The following KREMEN1 variants were observed in gnomAD, a reference collection of about 807,000 sequenced individuals.
KREMEN1 encodes the protein kremen protein 1.
In KREMEN1, 30 loss-of-function variants were observed where a neutral mutation model predicts 46.5. The observed-to-expected ratio is 0.65, with a 90% CI of 0.48 to 0.88. KREMEN1 has a LOEUF of 0.88. KREMEN1 is among the 40% of genes least tolerant of loss of function. The probability of loss-of-function intolerance (pLI) is 0.00; values close to 1 mark genes in which losing one functional copy is unlikely to be tolerated. For missense variants in KREMEN1, 533 were observed against 596.9 expected (o/e 0.89, Z 1.11); for synonymous variants, 214 against 230.6 (o/e 0.93, Z 0.65).
chr22:29,137,982 C>A lies in KREMEN1; in HGVS notation c.964+308C>A, dbSNP rs189162975. ...GAATAACTAAAAGGAACAGCTGAGA[C>A]TGGGACAGTTGGAAGGTTATCAAAA... On this transcript the variant is annotated intron_variant, in intron 6 of 8. Coordinates refer to ENST00000400335, the MANE Select transcript of KREMEN1 (RefSeq NM_001039570.3). Among the ~76,000 whole-genome samples the A allele has an allele frequency of 5.9e-5, 9 of 152,344 alleles. No homozygotes were observed. The East Asian group carries it at 1.3e-3, about 23-fold the overall frequency.
At chr22:29,074,663 C>T (rs2037537459) in intron 1 of KREMEN1, among the ~76,000 whole-genome samples, 1 of 152,230 alleles carries the variant, frequency 6.6e-6, no homozygotes, top group Non-Finnish European at 1.5e-5. Flanking sequence ...CACCCAAAGT[C>T]ACAGACTGAT....
intron 5 of KREMEN1, among the ~76,000 whole-genome samples, chr22:29,131,556 A>ATGTGTGTG (rs1466730126): frequency 1.4e-5 from 1 of 72,078 alleles, no homozygotes; most frequent in South Asian, 4.0e-4. Context: ...ATATATATAT[A>ATGTGTGTG]TATATGTGTG....
chr22:29,098,946 T>C lies in KREMEN1; in HGVS notation c.345T>C (p.Ala115=). The change falls in exon 3 of 9, where the codon GCT becomes GCC. Residue 115 remains alanine, a synonymous_variant. Coordinates refer to ENST00000400335, the MANE Select transcript of KREMEN1 (RefSeq NM_001039570.3). The part of the protein sequence containing the change: ...GVYWKYCEIP[A]CQMPGNLGCY... ...ACTGGAAGTACTGTGAGATACCTGC[T>C]TGCCAGAGTAAGACTGTAATACCCA... 1 of 1,611,412 alleles carries C rather than the reference T, an allele frequency of 6.2e-7. No individual in the cohort carries two copies.
At chr22:29,112,475 A>G (rs958056325) in intron 3 of KREMEN1, among the ~76,000 whole-genome samples, 2 of 152,196 alleles carry the variant, frequency 1.3e-5, no homozygotes, top group East Asian at 3.8e-4. Flanking sequence ...AAATGTAACA[A>G]TGTTTAGTGG....
intron 5 of KREMEN1, among the ~76,000 whole-genome samples, chr22:29,133,656 TTTTG>T (rs1556014438): frequency 6.6e-6 from 1 of 152,018 alleles, no homozygotes; most frequent in African/African-American, 2.4e-5. Flanking sequence ...GTCTGTTTTT[TTTTG>T]TTTGTTTTTT....
chr22:29,150,877 G>A (rs2038909570), downstream of KREMEN1, among the ~76,000 whole-genome samples: 4 of 152,176 alleles, frequency 2.6e-5, no homozygotes, highest in Admixed American at 2.6e-4. Flanking sequence ...GGGAACTGAG[G>A]GTCAGAGAAG....
intron 1 of KREMEN1, among the ~76,000 whole-genome samples, chr22:29,074,858 T>G (rs1389498992): frequency 6.6e-6 from 1 of 152,076 alleles, no homozygotes; most frequent in African/African-American, 2.4e-5. Context: ...CTTTGCAGAG[T>G]GTTGTGAAGA....
chr22:29,143,574 C>G lies in KREMEN1; in HGVS notation c.*1462C>G, dbSNP rs973892754. 5 of 712,562 alleles carry G rather than the reference C, an allele frequency of 7.0e-6. No homozygotes were observed. In the African/African-American group the frequency reaches 7.7e-5, roughly 11 times the overall value. 44.1% of individuals were successfully genotyped at this position (712,562 alleles called of 1,614,324 possible). A position where few individuals can be genotyped will look rare whatever the true frequency, so the allele number is the denominator to read the frequency against. Reference sequence around the variant, plus strand: ...TGGCTAAGATGGTGAAACCCCGTCTCTACTAAAAATACAAAAAATTAGCTG... The same window carrying G: ...TGGCTAAGATGGTGAAACCCCGTCTGTACTAAAAATACAAAAAATTAGCTG... On this transcript the variant is annotated 3_prime_UTR_variant, in exon 9 of 9. Transcript: ENST00000400335.
intron 5 of KREMEN1, among the ~76,000 whole-genome samples, chr22:29,133,656 T>TTTTG (rs1556014438): frequency 6.6e-6 from 1 of 152,018 alleles, no homozygotes; most frequent in Non-Finnish European, 1.5e-5. Flanking sequence ...GTCTGTTTTT[T>TTTTG]TTTGTTTGTT....
chr22:29,098,248 A>G (rs2037914546), intron 2 of KREMEN1, among the ~76,000 whole-genome samples: 1 of 151,920 alleles, frequency 6.6e-6, no homozygotes, highest in African/African-American at 2.4e-5. Flanking sequence ...ACTGGTCTCT[A>G]TACCACATAT....
At chr22:29,115,435 T>TA (rs1556008397) in intron 3 of KREMEN1, among the ~76,000 whole-genome samples, 9,448 of 90,512 alleles carry the variant, frequency 0.1, 336 homozygotes, top group African/African-American at 0.2. Flanking sequence ...CCTATGGAAA[T>TA]AAAAAAAAAA....
chr22:29,128,528 C>T (rs919697498), intron 5 of KREMEN1, among the ~76,000 whole-genome samples: 4 of 152,114 alleles, frequency 2.6e-5, no homozygotes, highest in African/African-American at 9.7e-5. Context: ...CAGAAATAAT[C>T]TGGATTAAAT....
intron 3 of KREMEN1, among the ~76,000 whole-genome samples, chr22:29,101,760 C>T (rs981009174): frequency 1.3e-5 from 2 of 152,170 alleles, no homozygotes; most frequent in Admixed American, 6.5e-5. Context: ...ACAGGCTATC[C>T]CATTATAGAC....
chr22:29,131,700 G>GTA (rs200421854), intron 5 of KREMEN1, among the ~76,000 whole-genome samples: 4 of 128,978 alleles, frequency 3.1e-5, no homozygotes, highest in East Asian at 4.4e-4. Context: ...GTATATATGT[G>GTA]TATATATATG....
intron 3 of KREMEN1, chr22:29,099,250 G>T: frequency 3.6e-6 from 1 of 281,050 alleles, no homozygotes. Context: ...CAACCGCTCA[G>T]AAGCAGCCTA....
chr22:29,108,304 T>A (rs751254191), intron 3 of KREMEN1, among the ~76,000 whole-genome samples: 2 of 152,160 alleles, frequency 1.3e-5, no homozygotes, highest in Non-Finnish European at 2.9e-5. Context: ...CAAAATTCTT[T>A]CTTGATGCCA....
intron 9 of KREMEN1, chr22:29,166,986 C>T (rs577887845): frequency 2.3e-6 from 3 of 1,319,182 alleles, no homozygotes; most frequent in African/African-American, 2.9e-5. Flanking sequence ...CTGTTCTCTC[C>T]CTCCGTGCCT....
chr22:29,136,970 G>A (rs902869144), intron 5 of KREMEN1, among the ~76,000 whole-genome samples: 30 of 152,200 alleles, frequency 2.0e-4, no homozygotes, highest in African/African-American at 7.2e-4. Flanking sequence ...ACATTCCCGT[G>A]ATACAGGAGC....
In KREMEN1 at chr22:29,161,351, C is replaced by CA. The variant is rs1246038146; in HGVS notation, c.1417-5687dup. On this transcript the variant is annotated intron_variant, in intron 9 of 9. Coordinates refer to the KREMEN1 transcript ENST00000327813. ...TGAAACCCCGTCTGTACTAAAAATA[C>CA]AAAAAATTAGCCAGGCGTGGTGGCA... is the stretch of plus-strand genomic sequence containing the variant. Among the ~76,000 whole-genome samples, 33 of 151,282 alleles carry CA rather than the reference C, an allele frequency of 2.2e-4. No homozygotes were observed. The East Asian group carries it at 3.7e-3, about 17-fold the overall frequency.
Sources: allele counts gnomAD v4.1 joint callset (sites outside exome capture counted in the v4.1 genomes callset), GRCh38; gene constraint gnomAD v4.1.1; transcripts MANE v1.5; gene names NCBI Gene and HGNC (gene_info 2026-07-23, HGNC 2026-07-21).